Variants in DGKZ observed in about 807,000 individuals in gnomAD.
DGKZ encodes DAG kinase zeta.
Under a neutral mutation model 142.5 loss-of-function variants are expected in DGKZ, and 45 were observed. That is an observed-to-expected ratio of 0.32 (90% CI 0.25 to 0.40). The LOEUF (loss-of-function observed/expected upper bound fraction) is 0.40, where lower values mean the gene tolerates loss of function less well. Among genes scored for constraint, DGKZ ranks in the 10% least tolerant of loss-of-function variants. The pLI is 1.00. For missense variants in DGKZ, 755 were observed against 1,306.5 expected, an observed-to-expected ratio of 0.58 and a Z score of 6.51; for synonymous variants, 442 against 527.0, an observed-to-expected ratio of 0.84 and a Z score of 2.21.
At chr11:46,365,161 G>C in intron 1 of DGKZ, 11 of 985,450 alleles carry the variant, frequency 1.1e-5, no homozygotes, top group Non-Finnish European at 1.3e-5. Flanking sequence ...CCAGGTCCAG[G>C]TGGGAGCTAG....
upstream of DGKZ, among the ~76,000 whole-genome samples, chr11:46,343,210 T>C (rs1223040741): frequency 2.0e-5 from 3 of 152,226 alleles, no homozygotes; most frequent in African/African-American, 7.2e-5. Flanking sequence ...AGAGCTACGT[T>C]ACATATTCAG....
intron 1 of DGKZ, among the ~76,000 whole-genome samples, chr11:46,339,051 G>C (rs561451000): frequency 6.6e-6 from 1 of 152,142 alleles, no homozygotes; most frequent in South Asian, 2.1e-4. Flanking sequence ...CTGAGCATGC[G>C]CGCATGTCCC....
intron 1 of DGKZ, among the ~76,000 whole-genome samples, chr11:46,355,311 T>C (rs1941876668): frequency 6.6e-6 from 1 of 151,716 alleles, no homozygotes; most frequent in Non-Finnish European, 1.5e-5. Context: ...GGTTTCGCCA[T>C]GTTAGCCAGG....
At chr11:46,352,567 A>T (rs1941537951) in intron 1 of DGKZ, among the ~76,000 whole-genome samples, 1 of 151,824 alleles carries the variant, frequency 6.6e-6, no homozygotes, top group Non-Finnish European at 1.5e-5. Flanking sequence ...GTCATCTGGG[A>T]CTCCCGCGCT....
At chr11:46,365,433 C>T (rs766276452) in intron 1 of DGKZ, 152 of 985,268 alleles carry the variant, frequency 1.5e-4, no homozygotes, top group Admixed American at 2.5e-4. Context: ...CATACAGGCA[C>T]GCACACACCC....
At chr11:46,370,763 T>A (rs974888829) in intron 6 of DGKZ, among the ~76,000 whole-genome samples, 1 of 152,164 alleles carries the variant, frequency 6.6e-6, no homozygotes, top group East Asian at 1.9e-4. Flanking sequence ...TTCAGGCTTA[T>A]CTTATACATA....
intron 14 of DGKZ, 115 bp downstream of exon 14, chr11:46,373,216 T>A: frequency 8.3e-7 from 1 of 1,209,722 alleles, no homozygotes; most frequent in Non-Finnish European, 1.1e-6. Flanking sequence ...CAACTTCCAC[T>A]TCTTCCTTGT....
intron 1 of DGKZ, chr11:46,365,163 G>T (rs1943103929): frequency 1.0e-6 from 1 of 985,314 alleles, no homozygotes; most frequent in Admixed American, 6.1e-5. Flanking sequence ...AGGTCCAGGT[G>T]GGAGCTAGGA....
chr11:46,333,733 C>T (rs1206748442), intron 1 of DGKZ, among the ~76,000 whole-genome samples: 1 of 152,114 alleles, frequency 6.6e-6, no homozygotes, highest in African/African-American at 2.4e-5. Context: ...GTGTACCAGG[C>T]GCTAAGGAGA....
upstream of DGKZ, chr11:46,345,236 C>G (rs1321103563): frequency 1.9e-5 from 26 of 1,348,874 alleles, no homozygotes; most frequent in Non-Finnish European, 2.4e-5. The surrounding 1 kb of genome is among the most constrained non-coding windows in gnomAD (Gnocchi z 4.1). Context: ...TCCCCACCTG[C>G]CCCTTGCTTT....
At chr11:46,333,990 C>T (rs1939889332) in intron 1 of DGKZ, among the ~76,000 whole-genome samples, 1 of 152,152 alleles carries the variant, frequency 6.6e-6, no homozygotes, top group South Asian at 2.1e-4. Context: ...CCCCCATGCC[C>T]CAGCAGGCCC....
chr11:46,376,185 T>A (rs776574248), intron 22 of DGKZ, 40 bp downstream of exon 22: 1 of 1,607,844 alleles, frequency 6.2e-7, no homozygotes, highest in Non-Finnish European at 8.5e-7. Flanking sequence ...ACCGAGAGGG[T>A]GGTGGGAAGT....
At chr11:46,336,447 T>A (rs1029096112) in intron 1 of DGKZ, among the ~76,000 whole-genome samples, 19 of 152,116 alleles carry the variant, frequency 1.2e-4, no homozygotes, top group African/African-American at 4.3e-4. Flanking sequence ...GCAGGGCAGG[T>A]CTAGGCATGG....
intron 7 of DGKZ, 51 bp downstream of exon 7, chr11:46,371,435 G>C (rs778603234): frequency 1.2e-6 from 2 of 1,608,790 alleles, no homozygotes; most frequent in Non-Finnish European, 1.7e-6. Context: ...CTGGGTTTGG[G>C]TCCCCGAGTC....
chr11:46,374,572 C>A, intron 16 of DGKZ, 32 bp from the exon 17 acceptor site: 1 of 1,597,574 alleles, frequency 6.3e-7, no homozygotes, highest in Non-Finnish European at 8.6e-7. Flanking sequence ...AGATCTCTGT[C>A]AGCAGATGGT....
At chr11:46,378,051 G>C (rs546627213) in intron 25 of DGKZ, 147 bp from the exon 26 acceptor site, 1 of 989,966 alleles carries the variant, frequency 1.0e-6, no homozygotes. Flanking sequence ...TTTCCCTGCT[G>C]TATCCCCAGT....
intron 1 of DGKZ, among the ~76,000 whole-genome samples, chr11:46,355,907 C>G (rs539556069): frequency 2.0e-4 from 30 of 152,192 alleles, no homozygotes; most frequent in Admixed American, 1.7e-3. Flanking sequence ...CCACCACACC[C>G]GGCTAATTTT....
intron 6 of DGKZ, 95 bp downstream of exon 6, chr11:46,370,104 C>T: frequency 6.7e-7 from 1 of 1,488,800 alleles, no homozygotes. Context: ...TGACCACACC[C>T]TGGTGTGCAG....
At chr11:46,366,586 G>GC in intron 1 of DGKZ, 1 of 1,607,712 alleles carries the variant, frequency 6.2e-7, no homozygotes, top group African/African-American at 1.3e-5. Context: ...CCCTGCTGTT[G>GC]ACCGGGCTTG....
Sources: gnomAD v4.1 joint callset for allele counts (sites outside exome capture counted in the v4.1 genomes callset) on GRCh38, gnomAD v4.1.1 for gene constraint, Gnocchi (gnomAD v3.1) non-coding constraint, MANE v1.5 for transcripts, NCBI Gene and HGNC (gene_info 2026-07-23, HGNC 2026-07-21) for gene names.